Variants in UTS2B observed in about 807,000 individuals in gnomAD.
The protein encoded by UTS2B is urotensin-2B.
UTS2B carries 21 observed loss-of-function variants against 19.2 expected under a neutral mutation model. That is an observed-to-expected ratio of 1.09 (90% CI 0.78 to 1.58). The LOEUF (loss-of-function observed/expected upper bound fraction) is 1.58. UTS2B is among the 40% of genes most tolerant of loss of function. UTS2B has a pLI of 0.00. For missense variants in UTS2B, 138 were observed against 130.3 expected, an observed-to-expected ratio of 1.06 and a Z score of -0.29; for synonymous variants, 57 against 50.2, an observed-to-expected ratio of 1.14 and a Z score of -0.58.
intron 8 of UTS2B, chr3:191,273,601 A>T: frequency 2.2e-6 from 1 of 456,578 alleles, no homozygotes; most frequent in South Asian, 1.5e-5. Flanking sequence ...TGCTGCAAGC[A>T]TTGGACTCGA....
chr3:191,325,350 C>T (rs1035627836), intron 2 of UTS2B, among the ~76,000 whole-genome samples: 2 of 152,074 alleles, frequency 1.3e-5, no homozygotes, highest in Non-Finnish European at 2.9e-5. Flanking sequence ...AACCATGGCA[C>T]CTCCAGGTCC....
chr3:191,322,130 G>T (rs1339072427), intron 2 of UTS2B, among the ~76,000 whole-genome samples: 9 of 152,182 alleles, frequency 5.9e-5, no homozygotes, highest in South Asian at 2.1e-4. Context: ...TATAATGTAT[G>T]AATTTGGTGT....
At position 191,282,051 on chromosome 3, in the gene UTS2B, A is replaced by G. The variant is rs1716401254; in HGVS notation, c.103+36T>C. The G allele has an allele frequency of 5.0e-6, 7 of 1,397,716 alleles. No homozygotes were observed. In the East Asian group the frequency reaches 1.6e-4, roughly 32 times the overall value. The allele number at this position is 1,397,716 out of a possible 1,614,324, so 86.6% of individuals were successfully genotyped here. ...TCAAATAGAAATAGAAGAATTACTT[A>G]CCCACCTGTAGGATTTTTAATTGAT... is the stretch of plus-strand genomic sequence containing the variant. On this transcript the variant is annotated intron_variant, in intron 5 of 8. Coordinates refer to ENST00000340524, the MANE Select transcript of UTS2B (RefSeq NM_198152.5).
At chr3:191,270,174 G>C (rs2168154) in intron 8 of UTS2B, among the ~76,000 whole-genome samples, 79,140 of 152,042 alleles carry the variant, frequency 0.52, 21,379 homozygotes, top group Non-Finnish European at 0.59. Context: ...ACAGTGGTTA[G>C]TCTCTAGTTA....
chr3:191,270,504 A>C (rs973300716), intron 8 of UTS2B, among the ~76,000 whole-genome samples: 9 of 152,114 alleles, frequency 5.9e-5, no homozygotes, highest in Non-Finnish European at 1.0e-4. Context: ...TGACCTACAA[A>C]CATGTTGTAA....
chr3:191,287,397 C>A (rs564871686), intron 4 of UTS2B, among the ~76,000 whole-genome samples: 14 of 152,196 alleles, frequency 9.2e-5, no homozygotes, highest in Admixed American at 2.6e-4. Flanking sequence ...TTAAAATGAT[C>A]ATTCACTATG....
chr3:191,273,796 A>C (rs1716158272), intron 8 of UTS2B, among the ~76,000 whole-genome samples: 1 of 152,228 alleles, frequency 6.6e-6, no homozygotes, highest in South Asian at 2.1e-4. Flanking sequence ...CTAGTTGCTC[A>C]AAACAAAATC....
intron 3 of UTS2B, among the ~76,000 whole-genome samples, chr3:191,315,736 A>G (rs1226662428): frequency 2.6e-5 from 4 of 152,234 alleles, no homozygotes; most frequent in African/African-American, 9.6e-5. Context: ...TTTTTGGAGA[A>G]GAAATTGTTT....
At chr3:191,340,301 T>G in the UTS2B span, among the ~76,000 whole-genome samples, 3,908 of 152,330 alleles carry the variant, frequency 0.026, 149 homozygotes, top group African/African-American at 0.089. Flanking sequence ...TGCTTGCGCC[T>G]TATATACTAT....
intron 2 of UTS2B, among the ~76,000 whole-genome samples, chr3:191,319,443 G>A (rs575395595): frequency 6.6e-6 from 1 of 152,320 alleles, no homozygotes; most frequent in African/African-American, 2.4e-5. Context: ...TATAGCAAAT[G>A]TCCCTCACGG....
chr3:191,282,492 G>A (rs1398523832), intron 4 of UTS2B, 179 bp from the exon 5 acceptor site: 4 of 227,752 alleles, frequency 1.8e-5, no homozygotes, highest in South Asian at 1.3e-4. Flanking sequence ...TCCTATGCAT[G>A]CCCACACATT....
At chr3:191,271,915 G>A (rs1256701876) in intron 8 of UTS2B, among the ~76,000 whole-genome samples, 1 of 152,114 alleles carries the variant, frequency 6.6e-6, no homozygotes, top group East Asian at 1.9e-4. Flanking sequence ...TATGTGGTAG[G>A]AATACAACTC....
intron 4 of UTS2B, among the ~76,000 whole-genome samples, chr3:191,292,105 G>T (rs1716736473): frequency 7.3e-6 from 1 of 136,692 alleles, no homozygotes; most frequent in African/African-American, 2.8e-5. Flanking sequence ...TGTAGGATCA[G>T]CTTGCCAATT....
chr3:191,275,172 C>T (rs1716195931), intron 8 of UTS2B, 80 bp downstream of exon 8: 3 of 1,094,320 alleles, frequency 2.7e-6, no homozygotes, highest in Non-Finnish European at 4.0e-6. Flanking sequence ...GAAATGCCAA[C>T]TGAATCTTCT....
intron 2 of UTS2B, among the ~76,000 whole-genome samples, chr3:191,323,667 G>A (rs1036150940): frequency 1.3e-5 from 2 of 152,174 alleles, no homozygotes; most frequent in Non-Finnish European, 2.9e-5. Flanking sequence ...GGAAGACAGA[G>A]ACAAGGGAAT....
chr3:191,331,577 A>G (rs1432909895), upstream of UTS2B, among the ~76,000 whole-genome samples: 2 of 152,206 alleles, frequency 1.3e-5, no homozygotes, highest in African/African-American at 4.8e-5. Context: ...TTACAATTAA[A>G]TATTAATTTT....
At chr3:191,321,755 G>A (rs745659786) in intron 2 of UTS2B, among the ~76,000 whole-genome samples, 5 of 152,154 alleles carry the variant, frequency 3.3e-5, no homozygotes, top group Non-Finnish European at 5.9e-5. Flanking sequence ...GGCCAGGTGC[G>A]GTGGCTCATG....
intron 8 of UTS2B, chr3:191,273,634 C>G: frequency 2.2e-6 from 1 of 455,808 alleles, no homozygotes; most frequent in Non-Finnish European, 4.4e-6. Flanking sequence ...TTACACCATG[C>G]CTCTGAGATT....
Position 191,268,195 on chromosome 3 carries a change from G to T in UTS2B, c.*221C>A. 1 of 368,896 alleles carries T rather than the reference G, an allele frequency of 2.7e-6. No individual in the cohort carries two copies. Among genetic ancestry groups the T allele is most frequent in the Non-Finnish European group, 5.1e-6 (1 of 196,014 alleles). 22.9% of individuals were successfully genotyped at this position (368,896 alleles called of 1,614,324 possible). ...CTCCCTGACTGCACGTCCATTCATA[G>T]GCTCTCTACAGGGGGAAGCAAGTGC... is the stretch of plus-strand genomic sequence containing the variant. On this transcript the variant is annotated 3_prime_UTR_variant, in exon 9 of 9. Coordinates refer to ENST00000340524, the MANE Select transcript of UTS2B (RefSeq NM_198152.5).
Sources: allele counts gnomAD v4.1 joint callset (sites outside exome capture counted in the v4.1 genomes callset), GRCh38; gene constraint gnomAD v4.1.1; transcripts MANE v1.5; gene names NCBI Gene and HGNC (gene_info 2026-07-23, HGNC 2026-07-21).